The following MYRIP variants were observed in gnomAD, a reference collection of about 807,000 sequenced individuals.
The protein encoded by MYRIP is rab effector MyRIP.
MYRIP carries 49 observed loss-of-function variants against 98.0 expected under a neutral mutation model. That is an observed-to-expected ratio of 0.50 (90% CI 0.40 to 0.63). The LOEUF (loss-of-function observed/expected upper bound fraction) is 0.63, where lower values mean the gene tolerates loss of function less well. Ranked by LOEUF, MYRIP falls within the 30% of genes least tolerant of loss-of-function variation. The pLI, the probability that MYRIP is intolerant of heterozygous loss-of-function variation, is 0.00. For missense variants in MYRIP, 1,004 were observed against 1,058.2 expected (o/e 0.95, Z 0.71); for synonymous variants, 404 against 409.5 (o/e 0.99, Z 0.16).
chr3:40,161,235 A>T (rs549112465), intron 4 of MYRIP, among the ~76,000 whole-genome samples: 72 of 152,200 alleles, frequency 4.7e-4, no homozygotes, highest in Non-Finnish European at 8.2e-4. Flanking sequence ...TTGAAAAAAC[A>T]TCACATCATA....
At chr3:40,199,498 G>T (rs1362658529) in intron 10 of MYRIP, among the ~76,000 whole-genome samples, 1 of 152,156 alleles carries the variant, frequency 6.6e-6, no homozygotes, top group Non-Finnish European at 1.5e-5. Context: ...ACAAGTGCTT[G>T]TGAGGCATGC....
Position 40,252,006 on chromosome 3 carries a change from G to A in MYRIP, c.2547+7G>A. The A allele has an allele frequency of 6.3e-7, 1 of 1,576,226 alleles. No individual in the cohort carries two copies. The highest frequency in any genetic ancestry group is 8.7e-7 in the Non-Finnish European group (1 of 1,145,702). On this transcript the variant is annotated splice_region_variant and intron_variant, in intron 16 of 16. Transcript: ENST00000302541. ...CACCACCAAGGATTTGATGGTAAATGTCATCTCTGTCTTAATGTTCAACGC... is the reference window on the plus strand; with the variant it reads ...CACCACCAAGGATTTGATGGTAAATATCATCTCTGTCTTAATGTTCAACGC...
chr3:40,236,125 A>G (rs1269527923), intron 12 of MYRIP, among the ~76,000 whole-genome samples: 4 of 152,190 alleles, frequency 2.6e-5, no homozygotes, highest in Non-Finnish European at 5.9e-5. Flanking sequence ...CTGTATTTTT[A>G]CTGTACCGTT....
At chr3:40,055,203 C>A (rs1358818011) in intron 3 of MYRIP, among the ~76,000 whole-genome samples, 1 of 152,124 alleles carries the variant, frequency 6.6e-6, no homozygotes, top group Non-Finnish European at 1.5e-5. Context: ...CAAGTACATA[C>A]CCACCAATCA....
intron 1 of MYRIP, among the ~76,000 whole-genome samples, chr3:39,884,806 ATTAT>A (rs1559508960): frequency 7.3e-6 from 1 of 137,316 alleles, no homozygotes; most frequent in Non-Finnish European, 1.6e-5. Flanking sequence ...TACAGTCATT[ATTAT>A]TTTTTTTTTT....
At chr3:39,845,085 A>G (rs1319242223) in intron 1 of MYRIP, among the ~76,000 whole-genome samples, 1 of 152,144 alleles carries the variant, frequency 6.6e-6, no homozygotes, top group African/African-American at 2.4e-5. Context: ...TTTTGACTGA[A>G]AGGCTCAATG....
chr3:39,947,640 C>T lies in MYRIP; in HGVS notation c.110+46714C>T, dbSNP rs191421150. ...CAGACTCACTGGGTGTGGTGGTGCA[C>T]GCCTATAGTCCCAGCTACTCAGGAG... On this transcript the variant is annotated intron_variant, in intron 2 of 16. Transcript: ENST00000302541. Among the ~76,000 whole-genome samples, 6 of 152,190 alleles carry T rather than the reference C, an allele frequency of 3.9e-5. No individual in the cohort carries two copies. The East Asian group carries it at 7.7e-4, about 20-fold the overall frequency.
Position 40,204,237 on chromosome 3 carries a change from T to A in MYRIP, c.1666-5617T>A, listed in dbSNP as rs796622047. Among the ~76,000 whole-genome samples, 148 of 63,548 alleles carry A rather than the reference T, an allele frequency of 2.3e-3. 16 individuals are homozygous for A. Among genetic ancestry groups the A allele is most frequent in the Middle Eastern group, 8.2e-3 (1 of 122 alleles). 41.7% of individuals were successfully genotyped at this position (63,548 alleles called of 152,430 possible). A position where few individuals can be genotyped will look rare whatever the true frequency, so the allele number is the denominator to read the frequency against. On this transcript the variant is annotated intron_variant, in intron 10 of 16. Transcript: ENST00000302541. ...ATATTATATATAAATATATATATAT[T>A]TTTTTTTTTTGAGACAGAGTCTCAC...
intron 1 of MYRIP, among the ~76,000 whole-genome samples, chr3:39,839,406 C>T (rs189779440): frequency 1.2e-4 from 18 of 152,012 alleles, no homozygotes; most frequent in East Asian, 3.9e-4. Flanking sequence ...TACAGGGGCC[C>T]GCCACCATGC....
intron 3 of MYRIP, among the ~76,000 whole-genome samples, chr3:40,119,724 C>T (rs2125909853): frequency 6.6e-6 from 1 of 151,616 alleles, no homozygotes; most frequent in African/African-American, 2.4e-5. Flanking sequence ...ACAATGAGAA[C>T]ACCTGGACAC....
chr3:39,869,266 T>G (rs1942713976), intron 1 of MYRIP, among the ~76,000 whole-genome samples: 1 of 152,228 alleles, frequency 6.6e-6, no homozygotes, highest in African/African-American at 2.4e-5. Flanking sequence ...TTCCTTTTTT[T>G]AATTGTTCAG....
chr3:40,108,679 C>A (rs545020342), intron 3 of MYRIP, among the ~76,000 whole-genome samples: 26 of 152,202 alleles, frequency 1.7e-4, no homozygotes, highest in South Asian at 8.3e-4. Context: ...GCAAAGCAAC[C>A]CTTTGACTGG....
chr3:39,913,530 T>C lies in MYRIP; in HGVS notation c.110+12604T>C, dbSNP rs553105349. 7.2e-5 allele frequency among the ~76,000 whole-genome samples: 11 copies of C among 152,310 alleles called. 1 individual carries two copies. Among genetic ancestry groups the C allele is most frequent in the African/African-American group, 2.4e-4 (10 of 41,566 alleles). ...CAGAATTAAATTTCAAACTTCTGCC[T>C]AAAAACTCAGCTTTTATATACTCTT... On this transcript the variant is annotated intron_variant, in intron 2 of 16. Transcript: ENST00000302541.
intron 1 of MYRIP, among the ~76,000 whole-genome samples, chr3:39,874,861 G>A (rs571052230): frequency 1.1e-3 from 167 of 152,262 alleles, no homozygotes; most frequent in African/African-American, 3.9e-3. Flanking sequence ...CTCATAAAAT[G>A]AGTAAGGGAA....
In MYRIP at chr3:39,900,885, A is replaced by G. The variant is rs1375669989; in HGVS notation, c.69A>G (p.Gln23=). Residue 23 remains glutamine (Q), a synonymous_variant, in exon 2 of 17, where the codon CAA becomes CAG. Transcript: ENST00000302541. ...CAGAGCATGTTCTTCAGGTGGTTCA[A>G]AGAGACTTCAATCTTCGCAAAAAAG... is the stretch of plus-strand genomic sequence containing the variant. ...DETEHVLQVV[Q]RDFNLRKKEE... is the part of the protein sequence containing the mutation. 1.2e-6 allele frequency: 2 copies of G among 1,613,712 alleles called. No individual in the cohort carries two copies. The highest frequency in any genetic ancestry group is 1.7e-6 in the Non-Finnish European group (2 of 1,179,996).
At chr3:39,913,702 C>T (rs1016235900) in intron 2 of MYRIP, among the ~76,000 whole-genome samples, 2 of 152,182 alleles carry the variant, frequency 1.3e-5, no homozygotes, top group African/African-American at 4.8e-5. Context: ...TGAAATCATA[C>T]AATGCCTTAG....
intron 9 of MYRIP, among the ~76,000 whole-genome samples, chr3:40,188,152 A>G (rs983835279): frequency 5.3e-5 from 8 of 152,306 alleles, no homozygotes; most frequent in East Asian, 1.9e-4. Context: ...TTGAAAACAT[A>G]TGTTCCACCA....
chr3:40,024,296 C>T (rs986042749), intron 2 of MYRIP, among the ~76,000 whole-genome samples: 1 of 152,134 alleles, frequency 6.6e-6, no homozygotes, highest in African/African-American at 2.4e-5. Flanking sequence ...TTGACCTTTC[C>T]ACTTAACAGA....
intron 2 of MYRIP, among the ~76,000 whole-genome samples, chr3:40,031,225 C>T (rs373537472): frequency 3.9e-5 from 6 of 152,178 alleles, no homozygotes; most frequent in African/African-American, 9.6e-5. Context: ...AAGGGCAAGG[C>T]GGCCCTGGAG....
Sources: allele counts gnomAD v4.1 joint callset (sites outside exome capture counted in the v4.1 genomes callset), GRCh38; gene constraint gnomAD v4.1.1; transcripts MANE v1.5; gene names NCBI Gene and HGNC (gene_info 2026-07-23, HGNC 2026-07-21).